CALD1: variants seen among roughly 807,000 people sequenced by gnomAD.
The protein encoded by CALD1 is caldesmon.
A neutral mutation model predicts 99.9 loss-of-function variants in CALD1; 33 were observed. The ratio of observed to expected loss-of-function variants is 0.33; its 90% CI spans 0.25 to 0.44. The LOEUF is 0.44. Ranked by LOEUF, CALD1 falls within the 20% of genes least tolerant of loss-of-function variation. The pLI is 1.00. For synonymous variants in CALD1, 310 were observed against 325.0 expected (o/e 0.95, Z 0.50); for missense variants, 861 against 962.1 (o/e 0.89, Z 1.39).
At chr7:134,931,622 G>A (rs775730920) in intron 4 of CALD1, among the ~76,000 whole-genome samples, 9 of 152,208 alleles carry the variant, frequency 5.9e-5, no homozygotes, top group Non-Finnish European at 7.3e-5. Flanking sequence ...AACATTGCAA[G>A]ACAAATTCTT....
At chr7:134,927,979 A>G (rs1224067225) in intron 3 of CALD1, 1 of 133,388 alleles carries the variant, frequency 7.5e-6, no homozygotes, top group Non-Finnish European at 1.5e-5. Flanking sequence ...TAATTTTAAT[A>G]ATTTTGGCTT....
intron 3 of CALD1, among the ~76,000 whole-genome samples, chr7:134,916,050 A>G (rs929694914): frequency 1.3e-5 from 2 of 152,198 alleles, no homozygotes; most frequent in Non-Finnish European, 2.9e-5. Context: ...AGCATCCATG[A>G]TTTGGCCCTT....
chr7:134,782,478 G>T (rs1052409288), intron 1 of CALD1, among the ~76,000 whole-genome samples: 1 of 152,174 alleles, frequency 6.6e-6, no homozygotes, highest in Non-Finnish European at 1.5e-5. Context: ...TGAGTAGATG[G>T]GTAGTTTAAA....
chr7:134,891,724 T>G (rs368180740), intron 3 of CALD1: 14 of 950,910 alleles, frequency 1.5e-5, no homozygotes, highest in East Asian at 5.7e-5. Flanking sequence ...TTTTTTTTTA[T>G]AAAAAACAAA....
chr7:134,732,450 T>C, the CALD1 span, among the ~76,000 whole-genome samples: 4 of 152,116 alleles, frequency 2.6e-5, no homozygotes, highest in Non-Finnish European at 5.9e-5. Context: ...GTGAATAGGA[T>C]CTGTGCCCTT....
chr7:134,912,626 TG>T (rs1163883950), intron 3 of CALD1, among the ~76,000 whole-genome samples: 3 of 152,354 alleles, frequency 2.0e-5, no homozygotes, highest in African/African-American at 4.8e-5. Flanking sequence ...AGCATTTTTT[TG>T]TGATTTTGCT....
At position 134,950,519 on chromosome 7, in the gene CALD1, T is replaced by A. The variant is rs1375968786; in HGVS notation, c.1935+5T>A. ...CCTAAAGGTTCATCTCTCAAGGTAT[T>A]TTTTTCCCCAGAAAACTTCTATTAG... is the stretch of plus-strand genomic sequence containing the variant. On this transcript the variant is annotated splice_donor_5th_base_variant and intron_variant, in intron 9 of 14. Coordinates refer to ENST00000361675, the MANE Select transcript of CALD1 (RefSeq NM_033138.4). 1 of 1,612,248 alleles carries A rather than the reference T, an allele frequency of 6.2e-7. No homozygotes were observed.
intron 1 of CALD1, among the ~76,000 whole-genome samples, chr7:134,790,649 G>A (rs1408141046): frequency 1.3e-5 from 2 of 152,150 alleles, no homozygotes; most frequent in Admixed American, 6.5e-5. Flanking sequence ...TCAAGTTAGA[G>A]TTAGACAAGA....
chr7:134,947,639 A>C lies in CALD1; in HGVS notation c.1664A>C (p.Lys555Thr). The C allele has an allele frequency of 6.3e-7, 1 of 1,575,056 alleles. No homozygotes were observed. The highest frequency in any genetic ancestry group is 2.3e-5 in the East Asian group (1 of 42,644). ...ETESEEFEKL[K>T]QKQQEAALEL... The stretch of plus-strand genomic sequence containing the variant: ...GAGAGCGAAGAGTTCGAGAAGCTCA[A>C]ACAGAAGCAGCAGGAGGCGGCTTTG... Residue 555 changes from lysine to threonine, a missense_variant, in exon 8 of 15, where the codon AAA becomes ACA. Physicochemically the swap from Lys to Thr is moderately conservative, Grantham distance 78. Coordinates refer to ENST00000361675, the MANE Select transcript of CALD1 (RefSeq NM_033138.4).
At chr7:134,942,665 A>T (rs1214267053) in intron 7 of CALD1, among the ~76,000 whole-genome samples, 4 of 152,218 alleles carry the variant, frequency 2.6e-5, no homozygotes, top group Admixed American at 2.6e-4. Flanking sequence ...AAAGCCCTAG[A>T]ATAGTGTTAG....
intron 3 of CALD1, among the ~76,000 whole-genome samples, chr7:134,869,936 A>G (rs1006306382): frequency 2.0e-5 from 3 of 152,286 alleles, no homozygotes; most frequent in Non-Finnish European, 2.9e-5. Flanking sequence ...ATGAGGCCCA[A>G]TGTTGAGTGG....
intron 3 of CALD1, among the ~76,000 whole-genome samples, chr7:134,897,375 A>AATATAT (rs994696384): frequency 6.8e-6 from 1 of 147,560 alleles, no homozygotes; most frequent in Non-Finnish European, 1.5e-5. Flanking sequence ...ACCTATATAC[A>AATATAT]ATATATATAT....
At chr7:134,721,291 G>A in the CALD1 span, among the ~76,000 whole-genome samples, 1 of 150,246 alleles carries the variant, frequency 6.7e-6, no homozygotes, top group Admixed American at 6.7e-5. Context: ...CAGTGACTTT[G>A]GGCCTTTCAA....
chr7:134,807,939 A>G (rs1798210363), intron 1 of CALD1, among the ~76,000 whole-genome samples: 1 of 151,960 alleles, frequency 6.6e-6, no homozygotes, highest in African/African-American at 2.4e-5. Flanking sequence ...ATTATCTCCA[A>G]TTTTTAGATG....
At chr7:134,772,095 CTTT>C (rs11427929) in intron 1 of CALD1, among the ~76,000 whole-genome samples, 10 of 137,996 alleles carry the variant, frequency 7.2e-5, no homozygotes, top group Non-Finnish European at 9.2e-5. Flanking sequence ...AATAAATGAA[CTTT>C]TTTTTTTTTT....
intron 1 of CALD1, among the ~76,000 whole-genome samples, chr7:134,799,631 A>G (rs1797871696): frequency 6.6e-6 from 1 of 152,184 alleles, no homozygotes; most frequent in African/African-American, 2.4e-5. Context: ...TTATTATGTA[A>G]TCAATATAAA....
intron 3 of CALD1, among the ~76,000 whole-genome samples, chr7:134,872,200 T>C (rs1311933711): frequency 6.6e-6 from 1 of 151,872 alleles, no homozygotes; most frequent in African/African-American, 2.4e-5. Flanking sequence ...GTACTAAAAA[T>C]ACAAAAAGTA....
chr7:134,890,582 C>G (rs1287452474), intron 3 of CALD1, among the ~76,000 whole-genome samples: 1 of 152,174 alleles, frequency 6.6e-6, no homozygotes, highest in Non-Finnish European at 1.5e-5. Flanking sequence ...AAATACCAGT[C>G]TGTTTAGTGC....
intron 1 of CALD1, among the ~76,000 whole-genome samples, chr7:134,800,987 A>G (rs899740638): frequency 6.6e-6 from 1 of 152,114 alleles, no homozygotes; most frequent in African/African-American, 2.4e-5. Context: ...AATGTATCTA[A>G]CCTACAGTAT....
Sources: gnomAD v4.1 joint callset for allele counts (sites outside exome capture counted in the v4.1 genomes callset) on GRCh38, gnomAD v4.1.1 for gene constraint, MANE v1.5 for transcripts, NCBI Gene and HGNC (gene_info 2026-07-23, HGNC 2026-07-21) for gene names.